Variants in NRXN1 observed in about 807,000 individuals in gnomAD.
NRXN1 encodes the protein neurexin 1, also known as neurexin-1.
Under a neutral mutation model 150.9 loss-of-function variants are expected in NRXN1, and 39 were observed. The ratio of observed to expected loss-of-function variants is 0.26; its 90% CI spans 0.20 to 0.34. The LOEUF (loss-of-function observed/expected upper bound fraction) is 0.34. Ranked by LOEUF, NRXN1 falls within the 10% of genes least tolerant of loss-of-function variation. The pLI is 1.00. For missense variants in NRXN1, 1,815 were observed against 1,949.9 expected (o/e 0.93, Z 1.30); for synonymous variants, 924 against 757.0 (o/e 1.22, Z -3.62).
intron 8 of NRXN1, among the ~76,000 whole-genome samples, chr2:50,569,843 C>A (rs1670397857): frequency 1.3e-5 from 2 of 152,042 alleles, no homozygotes; most frequent in South Asian, 4.1e-4. Context: ...TGGAATACAA[C>A]AAATTGTTAT....
In NRXN1 at chr2:49,935,991, T is replaced by C. The variant is rs115350175; in HGVS notation, c.4216+7713A>G. On this transcript the variant is annotated intron_variant, in intron 22 of 22. Coordinates refer to ENST00000401669, the MANE Select transcript of NRXN1 (RefSeq NM_001330078.2). The stretch of plus-strand genomic sequence containing the variant: ...CATGTGCCATACTGTTAAAAGGCTA[T>C]TATATTTTAGCATCTTCCAATAAAA... Among the ~76,000 whole-genome samples the C allele has an allele frequency of 2.5e-3, 381 of 152,308 alleles. 2 individuals carry two copies. Among genetic ancestry groups the C allele is most frequent in the African/African-American group, 8.9e-3 (372 of 41,568 alleles).
intron 5 of NRXN1, among the ~76,000 whole-genome samples, chr2:50,907,094 ACTCT>A (rs1370556072): frequency 6.6e-6 from 1 of 150,802 alleles, no homozygotes; most frequent in Admixed American, 6.6e-5. Context: ...TAGAAAGGTC[ACTCT>A]CTCCCTTTTC....
At chr2:50,401,327 G>A (rs1572837596) in intron 17 of NRXN1, among the ~76,000 whole-genome samples, 1 of 152,186 alleles carries the variant, frequency 6.6e-6, no homozygotes, top group East Asian at 1.9e-4. Flanking sequence ...ATCACTAATG[G>A]TTTGAAAAAT....
chr2:49,967,652 T>C (rs1404200979), intron 21 of NRXN1, among the ~76,000 whole-genome samples: 1 of 152,272 alleles, frequency 6.6e-6, no homozygotes, highest in African/African-American at 2.4e-5. Context: ...AAAGAGTAGA[T>C]GCATCATTTA....
chr2:50,793,954 T>C (rs1706426427), intron 5 of NRXN1, among the ~76,000 whole-genome samples: 1 of 152,036 alleles, frequency 6.6e-6, no homozygotes, highest in African/African-American at 2.4e-5. Flanking sequence ...CATTTGACAA[T>C]GTTTGTAGAC....
At chr2:50,057,908 G>A (rs1034649725) in intron 19 of NRXN1, among the ~76,000 whole-genome samples, 1 of 151,930 alleles carries the variant, frequency 6.6e-6, no homozygotes, top group African/African-American at 2.4e-5. Flanking sequence ...TTCATTATTT[G>A]TTTAATAATA....
At chr2:50,108,563 C>T (rs948030493) in intron 18 of NRXN1, among the ~76,000 whole-genome samples, 4 of 152,018 alleles carry the variant, frequency 2.6e-5, no homozygotes, top group African/African-American at 9.7e-5. Context: ...AATCTATTAA[C>T]ATGCATCATT....
intron 19 of NRXN1, among the ~76,000 whole-genome samples, chr2:50,087,932 T>C (rs1459027678): frequency 6.6e-6 from 1 of 152,164 alleles, no homozygotes; most frequent in Non-Finnish European, 1.5e-5. Context: ...AGACCTATAA[T>C]GGAGGTTAAG....
chr2:50,678,724 C>T (rs1689908861), intron 5 of NRXN1, among the ~76,000 whole-genome samples: 1 of 152,108 alleles, frequency 6.6e-6, no homozygotes, highest in African/African-American at 2.4e-5. Context: ...CTCTCCTCTT[C>T]CATTCTCCCA....
chr2:50,694,458 T>C (rs1378512674), intron 5 of NRXN1, among the ~76,000 whole-genome samples: 2 of 152,174 alleles, frequency 1.3e-5, no homozygotes, highest in African/African-American at 2.4e-5. Context: ...ATAATAAAAC[T>C]CCTTGGAATC....
chr2:50,535,989 A>C (rs1166461178), intron 10 of NRXN1, among the ~76,000 whole-genome samples: 3 of 152,218 alleles, frequency 2.0e-5, no homozygotes, highest in African/African-American at 7.2e-5. Flanking sequence ...GTCAACTCTT[A>C]TTTGATCAAC....
At chr2:50,176,111 A>C (rs1308683595) in intron 18 of NRXN1, among the ~76,000 whole-genome samples, 1 of 152,140 alleles carries the variant, frequency 6.6e-6, no homozygotes, top group African/African-American at 2.4e-5. Context: ...TGACCTAGTT[A>C]AGCCATGAAT....
intron 5 of NRXN1, among the ~76,000 whole-genome samples, chr2:50,723,242 T>C (rs367661073): frequency 1.6e-3 from 248 of 152,236 alleles, no homozygotes; most frequent in African/African-American, 5.7e-3. Flanking sequence ...TAAAAACAAA[T>C]GCAGAATAAG....
intron 15 of NRXN1, among the ~76,000 whole-genome samples, chr2:50,495,351 TGTGTGTGTGTGTGTGTGTGTGTGTGTGTG>T (rs758821295): frequency 0.21 from 9,210 of 44,478 alleles, 408 homozygotes; most frequent in African/African-American, 0.32. Flanking sequence ...ATTCCGTGTG[TGTGTGTGTGTGTGTGTGTGTGTGTGTGTG>T]GTGTGTGTGT....
intron 17 of NRXN1, among the ~76,000 whole-genome samples, chr2:50,311,036 T>C (rs2075135110): frequency 6.6e-6 from 1 of 152,170 alleles, no homozygotes; most frequent in Non-Finnish European, 1.5e-5. Flanking sequence ...CTATTAAAAC[T>C]TTAGATAAGT....
At chr2:49,925,019 T>C in intron 22 of NRXN1, among the ~76,000 whole-genome samples, 1 of 152,168 alleles carries the variant, frequency 6.6e-6, no homozygotes, top group Admixed American at 6.5e-5. Flanking sequence ...TGGTCGGGTG[T>C]GGTGGCTCAC....
chr2:49,957,415 T>A (rs960529229), intron 21 of NRXN1, among the ~76,000 whole-genome samples: 12 of 152,258 alleles, frequency 7.9e-5, no homozygotes, highest in African/African-American at 2.6e-4. Context: ...CATTTTCACA[T>A]TATTCTCACC....
chr2:50,016,078 G>T (rs958481002), intron 21 of NRXN1, among the ~76,000 whole-genome samples: 1 of 152,052 alleles, frequency 6.6e-6, no homozygotes, highest in Non-Finnish European at 1.5e-5. Flanking sequence ...AAGAAGTAAG[G>T]ATCTTTTTAT....
chr2:50,512,177 G>C (rs2105050006), intron 12 of NRXN1, among the ~76,000 whole-genome samples: 1 of 152,150 alleles, frequency 6.6e-6, no homozygotes, highest in Admixed American at 6.5e-5. Flanking sequence ...CAATGTTATA[G>C]TGAATATCTC....
Sources: allele counts gnomAD v4.1 joint callset (sites outside exome capture counted in the v4.1 genomes callset), GRCh38; gene constraint gnomAD v4.1.1; transcripts MANE v1.5; gene names NCBI Gene and HGNC (gene_info 2026-07-23, HGNC 2026-07-21).